The following FREM2 variants were observed in gnomAD, a reference collection of about 807,000 sequenced individuals.
FREM2 encodes FRAS1-related extracellular matrix protein 2.
Under a neutral mutation model 219.9 loss-of-function variants are expected in FREM2, and 119 were observed. That is an observed-to-expected ratio of 0.54 (90% CI 0.47 to 0.63). The LOEUF (loss-of-function observed/expected upper bound fraction) is 0.63, where lower values mean the gene tolerates loss of function less well. Ranked by LOEUF, FREM2 falls within the 30% of genes least tolerant of loss-of-function variation. The pLI, the probability that FREM2 is intolerant of heterozygous loss-of-function variation, is 0.00. For missense variants in FREM2, 4,030 were observed against 3,993.6 expected, an observed-to-expected ratio of 1.01 and a Z score of -0.25; for synonymous variants, 1,562 against 1,522.8, an observed-to-expected ratio of 1.03 and a Z score of -0.60.
intron 2 of FREM2, among the ~76,000 whole-genome samples, chr13:38,701,840 A>T (rs1184290092): frequency 6.6e-6 from 1 of 152,112 alleles, no homozygotes; most frequent in Non-Finnish European, 1.5e-5. Flanking sequence ...TACAGTAAAA[A>T]TTTATATTAT....
At position 38,883,497 on chromosome 13, in the gene FREM2, A is replaced by G. The variant is rs1878623073; in HGVS notation, c.*2710A>G. 1 of 152,188 alleles carries G rather than the reference A, an allele frequency of 6.6e-6. No homozygotes were observed. Among genetic ancestry groups the G allele is most frequent in the African/African-American group, 2.4e-5 (1 of 41,454 alleles). 9.4% of individuals were successfully genotyped at this position (152,188 alleles called of 1,614,324 possible). ...GTTGATATTATATAGTAAAAATAAAACCAAAAATAAATATTATTCAAGTGG... is the reference window on the plus strand; with the variant it reads ...GTTGATATTATATAGTAAAAATAAAGCCAAAAATAAATATTATTCAAGTGG... On this transcript the variant is annotated 3_prime_UTR_variant, in exon 24 of 24. Coordinates refer to ENST00000280481, the MANE Select transcript of FREM2 (RefSeq NM_207361.6).
At chr13:38,860,915 GC>G (rs1283749412) in intron 14 of FREM2, among the ~76,000 whole-genome samples, 3 of 152,084 alleles carry the variant, frequency 2.0e-5, no homozygotes, top group Non-Finnish European at 4.4e-5. Context: ...TACATATTTT[GC>G]TCTCTGATTT....
At chr13:38,774,919 T>G (rs1040439667) in intron 4 of FREM2, among the ~76,000 whole-genome samples, 1 of 152,228 alleles carries the variant, frequency 6.6e-6, no homozygotes, top group Non-Finnish European at 1.5e-5. Context: ...TGAGTCATTC[T>G]GATATTTCCA....
At chr13:38,848,807 G>T in intron 8 of FREM2, 137 bp downstream of exon 8, 1 of 804,914 alleles carries the variant, frequency 1.2e-6, no homozygotes, top group Non-Finnish European at 1.9e-6. Flanking sequence ...CACTGTCGGG[G>T]TGGCTTAAAT....
At chr13:38,769,333 T>C (rs1016883885) in intron 3 of FREM2, among the ~76,000 whole-genome samples, 1 of 152,176 alleles carries the variant, frequency 6.6e-6, no homozygotes, top group East Asian at 1.9e-4. Context: ...CTAATCCAAA[T>C]GTAGCTTAAA....
intron 2 of FREM2, among the ~76,000 whole-genome samples, chr13:38,717,366 C>T (rs977875219): frequency 6.8e-5 from 10 of 146,954 alleles, no homozygotes; most frequent in African/African-American, 1.2e-4. Context: ...AAGGTTTTGA[C>T]GTGTAGGAAA....
At chr13:38,868,475 T>C (rs1369910006) in intron 16 of FREM2, among the ~76,000 whole-genome samples, 1 of 152,188 alleles carries the variant, frequency 6.6e-6, no homozygotes, top group East Asian at 1.9e-4. Flanking sequence ...ACCTATGCTG[T>C]TAAACACATC....
In FREM2 at chr13:38,857,860, G is replaced by T; in HGVS notation, c.7057-15G>T. 1 of 1,607,276 alleles carries T rather than the reference G, an allele frequency of 6.2e-7. No individual in the cohort carries two copies. The highest frequency in any genetic ancestry group is 1.3e-5 in the African/African-American group (1 of 74,902). Reference sequence around the variant, plus strand: ...AATATTTCACTAATCAGTGATAATTGTCTTTTCCTTCTAGTTGACGAAAGC... The same window carrying T: ...AATATTTCACTAATCAGTGATAATTTTCTTTTCCTTCTAGTTGACGAAAGC... On this transcript the variant is annotated splice_polypyrimidine_tract_variant and intron_variant, in intron 12 of 23. Coordinates refer to ENST00000280481, the MANE Select transcript of FREM2 (RefSeq NM_207361.6).
chr13:38,835,590 T>C (rs1876677195), intron 6 of FREM2, among the ~76,000 whole-genome samples: 2 of 152,264 alleles, frequency 1.3e-5, no homozygotes, highest in South Asian at 4.1e-4. Context: ...TGGAATATTT[T>C]TCCATTTGTT....
intron 2 of FREM2, among the ~76,000 whole-genome samples, chr13:38,735,612 G>C (rs922230406): frequency 6.6e-6 from 1 of 152,124 alleles, no homozygotes; most frequent in Admixed American, 6.5e-5. Context: ...GCATACTCAG[G>C]AACTACTTAA....
In FREM2 at chr13:38,884,781, C is replaced by T. The variant is rs1219316531; in HGVS notation, c.*3994C>T. 6.6e-6 allele frequency: 1 copy of T among 152,136 alleles called. No individual in the cohort carries two copies. Among genetic ancestry groups the T allele is most frequent in the African/African-American group, 2.4e-5 (1 of 41,426 alleles). 9.4% of individuals were successfully genotyped at this position (152,136 alleles called of 1,614,324 possible). A position where few individuals can be genotyped will look rare whatever the true frequency, so the allele number is the denominator to read the frequency against. On this transcript the variant is annotated 3_prime_UTR_variant, in exon 24 of 24. Coordinates refer to ENST00000280481, the MANE Select transcript of FREM2 (RefSeq NM_207361.6). Reference sequence around the variant, plus strand: ...GTGCTATCACAGCCACACATACACACACACAGACATAAAATAACCAAACAT... The same window carrying T: ...GTGCTATCACAGCCACACATACACATACACAGACATAAAATAACCAAACAT...
intron 6 of FREM2, among the ~76,000 whole-genome samples, chr13:38,803,833 C>G (rs1041342442): frequency 6.6e-6 from 1 of 151,236 alleles, no homozygotes; most frequent in African/African-American, 2.4e-5. Flanking sequence ...CAAAAGCTTA[C>G]TGACATCAGA....
intron 2 of FREM2, among the ~76,000 whole-genome samples, chr13:38,745,575 C>T (rs1053947580): frequency 6.6e-6 from 1 of 152,186 alleles, no homozygotes; most frequent in Non-Finnish European, 1.5e-5. Flanking sequence ...CCTCCTTTCT[C>T]CCCCTCTGTT....
chr13:38,712,182 C>A, intron 2 of FREM2, among the ~76,000 whole-genome samples: 1 of 152,076 alleles, frequency 6.6e-6, no homozygotes, highest in Non-Finnish European at 1.5e-5. Context: ...GCGTGAGCCA[C>A]CGCGCCCAGC....
At chr13:38,780,236 C>T (rs1467960217) in intron 4 of FREM2, among the ~76,000 whole-genome samples, 2 of 152,180 alleles carry the variant, frequency 1.3e-5, no homozygotes, top group Admixed American at 6.5e-5. Flanking sequence ...TCTGATTCTC[C>T]TGAAGTCTTC....
intron 3 of FREM2, among the ~76,000 whole-genome samples, chr13:38,766,775 A>T (rs1294886903): frequency 6.6e-6 from 1 of 152,204 alleles, no homozygotes; most frequent in Non-Finnish European, 1.5e-5. Flanking sequence ...GCTACCAGTT[A>T]TTGAATATTT....
At chr13:38,748,189 A>G (rs1416759715) in intron 2 of FREM2, among the ~76,000 whole-genome samples, 1 of 152,208 alleles carries the variant, frequency 6.6e-6, no homozygotes, top group East Asian at 1.9e-4. Context: ...TTCCAACAGT[A>G]AATGTGGTCT....
At chr13:38,817,929 G>A (rs934966843) in intron 6 of FREM2, among the ~76,000 whole-genome samples, 27 of 151,840 alleles carry the variant, frequency 1.8e-4, no homozygotes, top group African/African-American at 5.6e-4. Context: ...TGACAAACAG[G>A]TATATAAAAA....
chr13:38,730,582 A>G (rs1427670745), intron 2 of FREM2, among the ~76,000 whole-genome samples: 2 of 152,182 alleles, frequency 1.3e-5, no homozygotes, highest in African/African-American at 4.8e-5. Context: ...AAAGACTTGC[A>G]AGAAGAAAGT....
Sources: gnomAD v4.1 joint callset for allele counts (sites outside exome capture counted in the v4.1 genomes callset) on GRCh38, gnomAD v4.1.1 for gene constraint, MANE v1.5 for transcripts, NCBI Gene and HGNC (gene_info 2026-07-23, HGNC 2026-07-21) for gene names.